SND1: variants seen among roughly 807,000 people sequenced by gnomAD.
SND1 encodes staphylococcal nuclease domain-containing protein 1.
Under a neutral mutation model 121.7 loss-of-function variants are expected in SND1, and 38 were observed. The observed-to-expected ratio is 0.31, with a 90% CI of 0.24 to 0.41. The LOEUF is 0.41. SND1 is among the 10% of genes least tolerant of loss of function. The pLI is 1.00. For missense variants in SND1, 868 were observed against 1,184.6 expected, an observed-to-expected ratio of 0.73 and a Z score of 3.92; for synonymous variants, 401 against 447.4, an observed-to-expected ratio of 0.90 and a Z score of 1.31.
chr7:127,791,112 AGTAT>A (rs1797902250), intron 10 of SND1, among the ~76,000 whole-genome samples: 1 of 150,458 alleles, frequency 6.6e-6, no homozygotes, highest in Admixed American at 6.6e-5. Context: ...AAATCAGCAG[AGTAT>A]TGAATGAAAT....
chr7:127,858,349 C>T, intron 12 of SND1: 2 of 1,348,736 alleles, frequency 1.5e-6, no homozygotes, highest in Admixed American at 3.9e-5. Context: ...CCCCCAGATG[C>T]CTCAGTGCCC....
intron 14 of SND1, 63 bp from the exon 15 acceptor site, chr7:127,929,125 A>G (rs1050690424): frequency 2.2e-5 from 35 of 1,560,982 alleles, no homozygotes; most frequent in Non-Finnish European, 3.0e-5. Context: ...GTCCTAGACT[A>G]TAAAGAAAGA....
At chr7:127,916,601 A>C (rs908416232) in intron 14 of SND1, among the ~76,000 whole-genome samples, 5 of 152,184 alleles carry the variant, frequency 3.3e-5, no homozygotes, top group African/African-American at 1.2e-4. Context: ...ATGGATGGGG[A>C]GTGTTTGAAC....
intron 16 of SND1, among the ~76,000 whole-genome samples, chr7:128,038,989 A>G (rs1051193341): frequency 3.9e-5 from 6 of 152,132 alleles, no homozygotes; most frequent in Admixed American, 6.5e-5. Flanking sequence ...ACTGCTTCCC[A>G]TGGCCCACAG....
intron 15 of SND1, among the ~76,000 whole-genome samples, chr7:127,956,618 A>G (rs1395544781): frequency 2.6e-5 from 4 of 152,176 alleles, no homozygotes; most frequent in Non-Finnish European, 5.9e-5. Context: ...TGTTTCCTGC[A>G]CTGCCAATGA....
chr7:127,772,349 G>A lies in SND1; in HGVS notation c.1153-35135G>A, dbSNP rs561187070. ...CGTAATTCGGTAAGAATATTTGCCC[G>A]TGCTCACAAAACCCTTACTGTAAAT... is the stretch of plus-strand genomic sequence containing the variant. On this transcript the variant is annotated intron_variant, in intron 10 of 23. Coordinates refer to ENST00000354725, the MANE Select transcript of SND1 (RefSeq NM_014390.4). Among the ~76,000 whole-genome samples the A allele has an allele frequency of 1.6e-4, 24 of 152,270 alleles. No individual in the cohort carries two copies. In the South Asian group the frequency reaches 2.3e-3, roughly 14 times the overall value.
At chr7:128,035,793 A>C (rs1015574938) in intron 16 of SND1, among the ~76,000 whole-genome samples, 1 of 152,202 alleles carries the variant, frequency 6.6e-6, no homozygotes, top group Non-Finnish European at 1.5e-5. Context: ...AATGACAGAA[A>C]TGGTCATCTA....
intron 13 of SND1, among the ~76,000 whole-genome samples, chr7:127,893,900 C>T (rs1800064539): frequency 6.6e-6 from 1 of 152,012 alleles, no homozygotes; most frequent in Admixed American, 6.6e-5. Context: ...AACTAGCACT[C>T]CAGCCTTGCT....
At chr7:127,747,316 ACT>A (rs1461140679) in intron 10 of SND1, among the ~76,000 whole-genome samples, 2 of 152,012 alleles carry the variant, frequency 1.3e-5, no homozygotes, top group African/African-American at 2.4e-5. Flanking sequence ...TGTGGAAAGG[ACT>A]CTGTTGAGTG....
At chr7:127,725,795 G>A (rs1796571757) in intron 10 of SND1, among the ~76,000 whole-genome samples, 1 of 152,122 alleles carries the variant, frequency 6.6e-6, no homozygotes, top group Admixed American at 6.5e-5. Context: ...TAGATGAGTA[G>A]GAGAAGAGGG....
intron 15 of SND1, among the ~76,000 whole-genome samples, chr7:127,981,757 T>C (rs1158849930): frequency 6.6e-6 from 1 of 152,192 alleles, no homozygotes; most frequent in East Asian, 1.9e-4. Flanking sequence ...AGCAAGATAT[T>C]CAGTATAAGG....
At chr7:127,960,463 TC>T (rs1307547272) in intron 15 of SND1, among the ~76,000 whole-genome samples, 1 of 152,202 alleles carries the variant, frequency 6.6e-6, no homozygotes, top group Non-Finnish European at 1.5e-5. Flanking sequence ...AGATCTCCAA[TC>T]TCTGGTAGAA....
intron 16 of SND1, among the ~76,000 whole-genome samples, chr7:128,043,851 T>C (rs1792899383): frequency 1.6e-5 from 1 of 61,608 alleles, no homozygotes. Flanking sequence ...TGTGTGTATA[T>C]ATATACACAT....
chr7:127,921,801 A>T (rs907078048), intron 14 of SND1, among the ~76,000 whole-genome samples: 18 of 152,188 alleles, frequency 1.2e-4, no homozygotes, highest in African/African-American at 4.3e-4. Flanking sequence ...CCTTTGTCAG[A>T]ATGTCATACA....
intron 10 of SND1, among the ~76,000 whole-genome samples, chr7:127,775,149 T>A (rs1177956402): frequency 6.6e-6 from 1 of 152,222 alleles, no homozygotes; most frequent in Non-Finnish European, 1.5e-5. Flanking sequence ...TACTAGGGAT[T>A]GTCAACAAGG....
At chr7:128,031,700 GC>G (rs1792609538) in intron 16 of SND1, 1 of 145,826 alleles carries the variant, frequency 6.9e-6, no homozygotes, top group African/African-American at 2.5e-5. Context: ...CGCACCGCAG[GC>G]CCCTTCAGAG....
At chr7:128,016,132 G>C (rs1803218941) in intron 16 of SND1, among the ~76,000 whole-genome samples, 1 of 150,734 alleles carries the variant, frequency 6.6e-6, no homozygotes, top group African/African-American at 2.4e-5. Flanking sequence ...CTTAAATAGG[G>C]AGGAACAACT....
chr7:127,889,055 C>T (rs1028926662), intron 13 of SND1, among the ~76,000 whole-genome samples: 12 of 152,062 alleles, frequency 7.9e-5, no homozygotes, highest in Non-Finnish European at 1.6e-4. Context: ...GAATGTCAGC[C>T]GAGAAATCAG....
chr7:127,674,409 G>A (rs1400044400), intron 1 of SND1, among the ~76,000 whole-genome samples: 1 of 152,070 alleles, frequency 6.6e-6, no homozygotes, highest in Non-Finnish European at 1.5e-5. Flanking sequence ...TGGACTTTCT[G>A]TATCTGTAAC....
Sources: gnomAD v4.1 joint callset for allele counts (sites outside exome capture counted in the v4.1 genomes callset) on GRCh38, gnomAD v4.1.1 for gene constraint, MANE v1.5 for transcripts, NCBI Gene and HGNC (gene_info 2026-07-23, HGNC 2026-07-21) for gene names.